Variants in FARS2 observed in about 807,000 individuals in gnomAD.
FARS2 encodes phenylalanine--tRNA ligase, mitochondrial.
A neutral mutation model predicts 46.4 loss-of-function variants in FARS2; 40 were observed. The observed-to-expected ratio is 0.86, with a 90% CI of 0.67 to 1.12. FARS2 has a LOEUF of 1.12. Among genes scored for constraint, FARS2 ranks in the 50% most tolerant of loss-of-function variants. The pLI is 0.00. For synonymous variants in FARS2, 234 were observed against 214.9 expected (o/e 1.09, Z -0.78); for missense variants, 513 against 567.9 (o/e 0.90, Z 0.98).
chr6:5,256,474 G>A (rs1764672597), upstream of FARS2, among the ~76,000 whole-genome samples: 1 of 93,664 alleles, frequency 1.1e-5, no homozygotes, highest in South Asian at 3.9e-4. Context: ...TGGGCAACAA[G>A]GGCAAGATTT....
intron 4 of FARS2, among the ~76,000 whole-genome samples, chr6:5,459,642 C>G (rs1026336606): frequency 1.3e-5 from 2 of 152,262 alleles, no homozygotes; most frequent in Admixed American, 6.5e-5. Context: ...GCCTGTTCCT[C>G]TTGCTTTACT....
chr6:5,287,206 C>T (rs1165654116), intron 1 of FARS2, among the ~76,000 whole-genome samples: 1 of 152,198 alleles, frequency 6.6e-6, no homozygotes, highest in Non-Finnish European at 1.5e-5. Flanking sequence ...GCATGTTGAG[C>T]CCGAGGCATT....
chr6:5,487,057 A>G (rs1766817346), intron 4 of FARS2, among the ~76,000 whole-genome samples: 1 of 152,226 alleles, frequency 6.6e-6, no homozygotes, highest in Non-Finnish European at 1.5e-5. Flanking sequence ...AGGGGTATTG[A>G]TGATTCTTTC....
chr6:5,449,405 T>C (rs1270278698), intron 4 of FARS2, among the ~76,000 whole-genome samples: 1 of 151,506 alleles, frequency 6.6e-6, no homozygotes, highest in South Asian at 2.1e-4. Flanking sequence ...CTTAAGATTT[T>C]TTATATATGT....
At chr6:5,612,268 G>A (rs1775230027) in intron 5 of FARS2, among the ~76,000 whole-genome samples, 1 of 152,192 alleles carries the variant, frequency 6.6e-6, no homozygotes, top group South Asian at 2.1e-4. Flanking sequence ...TCACCAAAGG[G>A]TTTGTAGCAA....
intron 6 of FARS2, among the ~76,000 whole-genome samples, chr6:5,705,806 ATGCCCATCTTTCCT>A (rs553239003): frequency 1.3e-5 from 2 of 152,122 alleles, no homozygotes; most frequent in African/African-American, 4.8e-5. Context: ...TTTTGAGCTT[ATGCCCATCTTTCCT>A]TGCCCATCTC....
intron 2 of FARS2, among the ~76,000 whole-genome samples, chr6:5,392,782 G>A (rs1198775985): frequency 4.1e-5 from 6 of 145,888 alleles, no homozygotes; most frequent in African/African-American, 1.0e-4. Flanking sequence ...GTATATATAT[G>A]TGTGTATATA....
At chr6:5,404,736 C>A in intron 3 of FARS2, 35 bp downstream of exon 3, 3 of 1,404,584 alleles carry the variant, frequency 2.1e-6, no homozygotes, top group Non-Finnish European at 2.9e-6. Flanking sequence ...GATCTCTTAT[C>A]TGAAATACTT....
rs370795967 is a variant in FARS2, at chr6:5,380,971, ATTATTTAT to A, written c.612+11827_612+11834del. Among the ~76,000 whole-genome samples, 117 of 119,142 alleles carry A rather than the reference ATTATTTAT, an allele frequency of 9.8e-4. 1 individual carries two copies. The highest frequency in any genetic ancestry group is 4.3e-3 in the Admixed American group (57 of 13,164). The allele number at this position is 119,142 out of a possible 152,430, so 78.2% of individuals were successfully genotyped here. ...AGATCAATAGTAGTTCATTATAGCA[ATTATTTAT>A]TTATTTATTTATTTATTTATTTATT... On this transcript the variant is annotated intron_variant, in intron 2 of 6. Transcript: ENST00000274680.
chr6:5,293,858 T>C (rs941241469), intron 1 of FARS2, among the ~76,000 whole-genome samples: 2 of 152,290 alleles, frequency 1.3e-5, no homozygotes, highest in Admixed American at 1.3e-4. Flanking sequence ...ATTGGGTGAT[T>C]AGAATTCTTT....
At chr6:5,449,888 G>A (rs879279178) in intron 4 of FARS2, among the ~76,000 whole-genome samples, 2 of 152,172 alleles carry the variant, frequency 1.3e-5, no homozygotes, top group African/African-American at 2.4e-5. Context: ...AATTAATGAC[G>A]AAAATATGGT....
intron 6 of FARS2, among the ~76,000 whole-genome samples, chr6:5,666,577 AAGAC>A (rs1778133699): frequency 6.6e-6 from 1 of 152,204 alleles, no homozygotes; most frequent in African/African-American, 2.4e-5. Context: ...ACTGGAGGCA[AAGAC>A]AGACAAACAG....
At chr6:5,713,401 G>C (rs1043654018) in intron 6 of FARS2, among the ~76,000 whole-genome samples, 4 of 152,198 alleles carry the variant, frequency 2.6e-5, no homozygotes, top group African/African-American at 4.8e-5. Context: ...AAAAATGTGT[G>C]AATTCTGGAT....
chr6:5,315,665 A>C (rs1253908818), intron 1 of FARS2, among the ~76,000 whole-genome samples: 1 of 146,444 alleles, frequency 6.8e-6, no homozygotes, highest in Admixed American at 7.0e-5. Flanking sequence ...TCTTGCCAAC[A>C]TATTATTTTG....
chr6:5,574,005 A>G (rs1050201483), intron 5 of FARS2, among the ~76,000 whole-genome samples: 1 of 152,230 alleles, frequency 6.6e-6, no homozygotes, highest in African/African-American at 2.4e-5. Context: ...TTAGCCTGCC[A>G]TACATTAAAG....
At position 5,474,661 on chromosome 6, in the gene FARS2, C is replaced by CTATT. The variant is rs34998565; in HGVS notation, c.904+43490_904+43491insATTT. Among the ~76,000 whole-genome samples, 9 of 71,318 alleles carry CTATT rather than the reference C, an allele frequency of 1.3e-4. 1 individual carries two copies. The highest frequency in any genetic ancestry group is 2.0e-4 in the Admixed American group (1 of 4,882). 46.8% of individuals were successfully genotyped at this position (71,318 alleles called of 152,430 possible). A position where few individuals can be genotyped will look rare whatever the true frequency, so the allele number is the denominator to read the frequency against. The stretch of plus-strand genomic sequence containing the variant: ...GAAAAGGTACAATAAAAATACAGTA[C>CTATT]TGTTTTTTTTTTTTTTTTTGAGACA... On this transcript the variant is annotated intron_variant, in intron 4 of 6. Coordinates refer to ENST00000274680, the MANE Select transcript of FARS2 (RefSeq NM_006567.5).
chr6:5,372,190 A>G (rs1759102737), intron 2 of FARS2, among the ~76,000 whole-genome samples: 1 of 152,136 alleles, frequency 6.6e-6, no homozygotes, highest in Non-Finnish European at 1.5e-5. Flanking sequence ...ACAAATTTAT[A>G]ACCATGTTAG....
intron 1 of FARS2, among the ~76,000 whole-genome samples, chr6:5,268,472 A>G (rs1347748745): frequency 2.0e-5 from 3 of 152,118 alleles, no homozygotes; most frequent in African/African-American, 7.2e-5. Flanking sequence ...TCCTTTCCCC[A>G]TTTCTTATTT....
At chr6:5,577,620 A>T (rs1256419569) in intron 5 of FARS2, among the ~76,000 whole-genome samples, 2 of 151,992 alleles carry the variant, frequency 1.3e-5, no homozygotes, top group East Asian at 3.9e-4. Flanking sequence ...TTTCTGGAGG[A>T]TTTAATTACA....
Sources: gnomAD v4.1 joint callset for allele counts (sites outside exome capture counted in the v4.1 genomes callset) on GRCh38, gnomAD v4.1.1 for gene constraint, MANE v1.5 for transcripts, NCBI Gene and HGNC (gene_info 2026-07-23, HGNC 2026-07-21) for gene names.